Variants in PIK3C2A observed in about 807,000 individuals in gnomAD.
The protein encoded by PIK3C2A is phosphatidylinositol-4-phosphate 3-kinase catalytic subunit type 2 alpha.
Under a neutral mutation model 204.5 loss-of-function variants are expected in PIK3C2A, and 97 were observed. That is an observed-to-expected ratio of 0.47 (90% CI 0.40 to 0.56). The LOEUF is 0.56. Among genes scored for constraint, PIK3C2A ranks in the 20% least tolerant of loss-of-function variants. The pLI is 0.00. For missense variants in PIK3C2A, 1,735 were observed against 1,969.2 expected (o/e 0.88, Z 2.25); for synonymous variants, 653 against 664.4 (o/e 0.98, Z 0.26).
intron 2 of PIK3C2A, among the ~76,000 whole-genome samples, chr11:17,160,175 G>A (rs1358415614): frequency 2.0e-5 from 3 of 152,110 alleles, no homozygotes; most frequent in Non-Finnish European, 4.4e-5. Flanking sequence ...ATTACTACAA[G>A]GGTCTAGATC....
At chr11:17,176,800 A>G (rs1281282691) in intron 1 of PIK3C2A, among the ~76,000 whole-genome samples, 2 of 152,298 alleles carry the variant, frequency 1.3e-5, no homozygotes, top group Admixed American at 6.5e-5. Flanking sequence ...AAATAAAACA[A>G]AAACCAAACA....
intron 12 of PIK3C2A, among the ~76,000 whole-genome samples, chr11:17,130,660 A>G (rs948719914): frequency 1.3e-5 from 2 of 151,612 alleles, no homozygotes; most frequent in African/African-American, 4.8e-5. Flanking sequence ...CAAAAAAATT[A>G]GCCAGGCATG....
chr11:17,099,842 T>C lies in PIK3C2A; in HGVS notation c.4118+18A>G, dbSNP rs769406472. The C allele has an allele frequency of 6.9e-6, 7 of 1,017,752 alleles. No individual in the cohort carries two copies. The African/African-American group carries it at 8.0e-5, about 12-fold the overall frequency. The allele number at this position is 1,017,752 out of a possible 1,614,324, so 63.0% of individuals were successfully genotyped here. A position where few individuals can be genotyped will look rare whatever the true frequency, so the allele number is the denominator to read the frequency against. ...AATATTTTATGTTCCTTCTGCAATA[T>C]ACTTAAATATGCTTTACCTAGTAAA... is the stretch of plus-strand genomic sequence containing the variant. On this transcript the variant is annotated intron_variant, in intron 26 of 32. Coordinates refer to ENST00000691414, the MANE Select transcript of PIK3C2A (RefSeq NM_002645.4).
At chr11:17,140,228 A>G (rs1340856074) in intron 8 of PIK3C2A, among the ~76,000 whole-genome samples, 4 of 152,112 alleles carry the variant, frequency 2.6e-5, no homozygotes, top group Admixed American at 2.0e-4. Flanking sequence ...CAGCCTGGGT[A>G]AGACAGTGAG....
intron 1 of PIK3C2A, among the ~76,000 whole-genome samples, chr11:17,184,479 T>A (rs1028853675): frequency 2.6e-5 from 4 of 152,024 alleles, no homozygotes; most frequent in Non-Finnish European, 4.4e-5. Flanking sequence ...ATTTAAAATT[T>A]AAAAAATAGA....
chr11:17,101,204 A>C, intron 25 of PIK3C2A, 74 bp downstream of exon 25: 2 of 880,700 alleles, frequency 2.3e-6, no homozygotes, highest in Non-Finnish European at 3.3e-6. Context: ...AAAATCACAA[A>C]ATAATCTTTT....
chr11:17,191,989 T>C (rs867050793), intron 1 of PIK3C2A, among the ~76,000 whole-genome samples: 1 of 125,888 alleles, frequency 7.9e-6, no homozygotes, highest in African/African-American at 3.0e-5. Context: ...AAAAAAAAAA[T>C]AGAAAAATTA....
chr11:17,124,189 C>A lies in PIK3C2A; in HGVS notation c.2400-1376G>T, dbSNP rs191110726. Among the ~76,000 whole-genome samples, 6 of 152,220 alleles carry A rather than the reference C, an allele frequency of 3.9e-5. No homozygotes were observed. The East Asian group carries it at 1.2e-3, about 29-fold the overall frequency. On this transcript the variant is annotated intron_variant, in intron 13 of 32. Coordinates refer to ENST00000691414, the MANE Select transcript of PIK3C2A (RefSeq NM_002645.4). ...GCTATAGTCTGTTATGTCTAAGAAC[C>A]ACCCTTACTTCCAACTAGACTTAAG...
chr11:17,120,697 C>T (rs1849341753), intron 15 of PIK3C2A, among the ~76,000 whole-genome samples: 1 of 152,094 alleles, frequency 6.6e-6, no homozygotes, highest in African/African-American at 2.4e-5. Context: ...ATATGTAGAT[C>T]CTCTTTTTTC....
rs774802284 is a variant in PIK3C2A, at chr11:17,169,606, T to C, written c.136A>G (p.Arg46Gly). 3.7e-6 allele frequency: 6 copies of C among 1,614,156 alleles called. No homozygotes were observed. Among genetic ancestry groups the C allele is most frequent in the Middle Eastern group, 1.6e-4 (1 of 6,062 alleles). Reference sequence around the variant, plus strand: ...CCTCTCTGATTGTCAGTCACTTGTCTATCCTTTTGCAGTTTTGCTAAAGCC... The same window carrying C: ...CCTCTCTGATTGTCAGTCACTTGTCCATCCTTTTGCAGTTTTGCTAAAGCC... ...AEALAKLQKD[R>G]QVTDNQRGFE... Residue 46 changes from arginine (R) to glycine (G), a missense_variant, in exon 2 of 33, where the codon AGA becomes GGA. Transcript: ENST00000691414.
intron 2 of PIK3C2A, among the ~76,000 whole-genome samples, chr11:17,161,150 T>C (rs1287658096): frequency 6.6e-6 from 1 of 152,206 alleles, no homozygotes; most frequent in Non-Finnish European, 1.5e-5. Context: ...GATTTATACC[T>C]ATACAAGTTC....
At chr11:17,191,681 C>T (rs1005083671) in intron 1 of PIK3C2A, among the ~76,000 whole-genome samples, 5 of 152,102 alleles carry the variant, frequency 3.3e-5, no homozygotes, top group African/African-American at 4.8e-5. Context: ...AGCAAGTTAT[C>T]GAAACTTTGG....
chr11:17,123,114 T>C (rs1849414380), intron 13 of PIK3C2A, among the ~76,000 whole-genome samples: 4 of 152,086 alleles, frequency 2.6e-5, no homozygotes, highest in Admixed American at 2.6e-4. Context: ...CTTCTAGAAA[T>C]AGGAAGTTTA....
Position 17,125,317 on chromosome 11 carries a change from CT to C in PIK3C2A, c.2400-2505del, listed in dbSNP as rs1849487649. ...GTAAACTGAGGGGGACAACTGGCATCTAATGGGTAGAATCTAGGGATGCCGC... is the reference window on the plus strand; with the variant it reads ...GTAAACTGAGGGGGACAACTGGCATCAATGGGTAGAATCTAGGGATGCCGC... On this transcript the variant is annotated intron_variant, in intron 13 of 32. Coordinates refer to ENST00000691414, the MANE Select transcript of PIK3C2A (RefSeq NM_002645.4). Among the ~76,000 whole-genome samples the C allele has an allele frequency of 2.0e-5, 3 of 152,184 alleles. No individual in the cohort carries two copies. In the South Asian group the frequency reaches 6.2e-4, roughly 32 times the overall value.
At chr11:17,194,071 T>C (rs1263758276) in intron 1 of PIK3C2A, 1 of 413,978 alleles carries the variant, frequency 2.4e-6, no homozygotes. Flanking sequence ...TGAAGGCCCT[T>C]GTAAAGGAGG....
chr11:17,184,862 G>A (rs1364944063), intron 1 of PIK3C2A, among the ~76,000 whole-genome samples: 1 of 152,132 alleles, frequency 6.6e-6, no homozygotes, highest in African/African-American at 2.4e-5. Flanking sequence ...AGGATCATTT[G>A]AGCCTAGGAC....
At chr11:17,101,183 A>G in intron 25 of PIK3C2A, 95 bp downstream of exon 25, 1 of 774,710 alleles carries the variant, frequency 1.3e-6, no homozygotes, top group African/African-American at 1.7e-5. Context: ...GACTAAAGCA[A>G]ATTTTATTCC....
chr11:17,196,188 C>A (rs1852147543), intron 1 of PIK3C2A, among the ~76,000 whole-genome samples: 1 of 152,054 alleles, frequency 6.6e-6, no homozygotes, highest in Non-Finnish European at 1.5e-5. Flanking sequence ...ATCTTAAAAT[C>A]TCCATCTATC....
chr11:17,140,970 T>C (rs983661769), intron 8 of PIK3C2A, among the ~76,000 whole-genome samples: 4 of 151,982 alleles, frequency 2.6e-5, no homozygotes, highest in South Asian at 4.2e-4. Context: ...GGGAAAAGCA[T>C]TTAGAGGGGA....
Sources: gnomAD v4.1 joint callset for allele counts (sites outside exome capture counted in the v4.1 genomes callset) on GRCh38, gnomAD v4.1.1 for gene constraint, MANE v1.5 for transcripts, NCBI Gene and HGNC (gene_info 2026-07-23, HGNC 2026-07-21) for gene names.